The following SRGAP2C variants were observed in gnomAD, a reference collection of about 807,000 sequenced individuals.
SRGAP2C encodes SLIT-ROBO Rho GTPase-activating protein 2C.
A neutral mutation model predicts 25.1 loss-of-function variants in SRGAP2C; 15 were observed. That is an observed-to-expected ratio of 0.60 (90% confidence interval 0.40 to 0.92). SRGAP2C has a LOEUF of 0.92. Among genes scored for constraint, SRGAP2C ranks in the 40% least tolerant of loss-of-function variants. SRGAP2C has a pLI of 0.00. For synonymous variants in SRGAP2C, 44 were observed against 96.6 expected (o/e 0.46, Z 3.19); for missense variants, 144 against 264.4 (o/e 0.54, Z 3.16).
At chr1:121,204,287 G>A (rs1553322208) in intron 2 of SRGAP2C, among the ~76,000 whole-genome samples, 3 of 151,754 alleles carry the variant, frequency 2.0e-5, no homozygotes, top group Admixed American at 6.6e-5. Context: ...CATTTAAGTT[G>A]TCTCAATTTC....
intron 2 of SRGAP2C, among the ~76,000 whole-genome samples, chr1:121,191,895 CTT>C (rs1215148646): frequency 4.3e-4 from 44 of 102,840 alleles, no homozygotes; most frequent in African/African-American, 5.7e-4. Flanking sequence ...GGGGTCTTGT[CTT>C]TTTTTTTTTT....
At chr1:121,218,400 G>T (rs1460212080) in intron 2 of SRGAP2C, among the ~76,000 whole-genome samples, 1 of 79,412 alleles carries the variant, frequency 1.3e-5, no homozygotes, top group Non-Finnish European at 2.4e-5. Context: ...TTTTGAGACA[G>T]GGTCTCTCTA....
chr1:121,295,524 C>A (rs1463031435), intron 3 of SRGAP2C, among the ~76,000 whole-genome samples: 2 of 151,708 alleles, frequency 1.3e-5, no homozygotes, highest in African/African-American at 4.8e-5. Context: ...TGCCAGATAC[C>A]CACCCCTGTA....
At chr1:121,263,338 C>A (rs868944442) in intron 2 of SRGAP2C, among the ~76,000 whole-genome samples, 48 of 140,868 alleles carry the variant, frequency 3.4e-4, no homozygotes, top group Middle Eastern at 4.1e-3. Context: ...AACAAACAAA[C>A]AAAAAAAACT....
rs1553341028 is a variant in SRGAP2C at position 121,320,653 on chromosome 1, G to C, written c.261-3825G>C. On this transcript the variant is annotated intron_variant, in intron 3 of 9. Transcript: ENST00000367123. ...ATTTCAGCATCTGGTTTTGGTTTAG[G>C]TAGTCCAATATCAAGAAAATTCTGA... 4.1e-3 allele frequency among the ~76,000 whole-genome samples: 609 copies of C among 149,582 alleles called. 5 individuals are homozygous for C. Among genetic ancestry groups the C allele is most frequent in the Non-Finnish European group, 6.0e-3 (408 of 67,528 alleles).
chr1:121,191,934 G>A (rs1476477427), intron 2 of SRGAP2C, among the ~76,000 whole-genome samples: 2 of 144,712 alleles, frequency 1.4e-5, no homozygotes, highest in African/African-American at 5.2e-5. Flanking sequence ...AGAGAACAGT[G>A]TGTGTGCACC....
intron 3 of SRGAP2C, among the ~76,000 whole-genome samples, chr1:121,312,281 C>A (rs1657981837): frequency 2.1e-5 from 1 of 48,778 alleles, no homozygotes. Flanking sequence ...TCCCCTTTAT[C>A]ATTTTTTATT....
chr1:121,287,869 G>A (rs1187147626), intron 3 of SRGAP2C, among the ~76,000 whole-genome samples: 1 of 151,958 alleles, frequency 6.6e-6, no homozygotes, highest in East Asian at 1.9e-4. Flanking sequence ...AGCGCGTCTG[G>A]AGTTGTTCAT....
chr1:121,222,018 T>C (rs2101447822), intron 2 of SRGAP2C, among the ~76,000 whole-genome samples: 1 of 152,190 alleles, frequency 6.6e-6, no homozygotes, highest in East Asian at 2.0e-4. Context: ...ATCCAGTTTC[T>C]GCTTGCCTGA....
At chr1:121,298,222 G>A (rs1657637711) in intron 3 of SRGAP2C, among the ~76,000 whole-genome samples, 5 of 150,564 alleles carry the variant, frequency 3.3e-5, no homozygotes, top group Admixed American at 3.3e-4. Flanking sequence ...GTTCAACCTT[G>A]GTGGGTTACT....
At chr1:121,260,513 C>A (rs1553333361) in intron 2 of SRGAP2C, among the ~76,000 whole-genome samples, 1 of 151,688 alleles carries the variant, frequency 6.6e-6, no homozygotes, top group Non-Finnish European at 1.5e-5. Context: ...CCATGATAGG[C>A]TGTTGGCTTT....
intron 5 of SRGAP2C, among the ~76,000 whole-genome samples, chr1:121,372,009 C>A (rs1199966036): frequency 6.6e-6 from 1 of 152,084 alleles, no homozygotes; most frequent in East Asian, 1.9e-4. Flanking sequence ...GTTTGAATTA[C>A]TTAGAAAGGC....
chr1:121,305,228 G>T (rs1657803176), intron 3 of SRGAP2C, among the ~76,000 whole-genome samples: 1 of 151,948 alleles, frequency 6.6e-6, no homozygotes, highest in African/African-American at 2.4e-5. Context: ...ATCAGCATCT[G>T]CTCAGCTGTA....
intron 2 of SRGAP2C, among the ~76,000 whole-genome samples, chr1:121,270,855 C>T (rs1489712751): frequency 2.8e-4 from 41 of 148,280 alleles, no homozygotes; most frequent in Admixed American, 1.3e-3. Context: ...TGCAGTGGTG[C>T]CATCTCAGCT....
chr1:121,378,709 TC>T, intron 7 of SRGAP2C, among the ~76,000 whole-genome samples: 1 of 152,228 alleles, frequency 6.6e-6, no homozygotes, highest in South Asian at 2.1e-4. Context: ...TCCATTGCCA[TC>T]TGTGTCATGT....
chr1:121,239,842 G>A (rs1656081399), intron 2 of SRGAP2C, among the ~76,000 whole-genome samples: 2 of 152,382 alleles, frequency 1.3e-5, no homozygotes, highest in African/African-American at 2.4e-5. Flanking sequence ...TTACTATCTG[G>A]CCTTTATAGA....
In SRGAP2C at chr1:121,268,512, A is replaced by C. The variant is rs587649934; in HGVS notation, c.68-16291A>C. On this transcript the variant is annotated intron_variant, in intron 2 of 9. Coordinates refer to ENST00000367123, the MANE Select transcript of SRGAP2C (RefSeq NM_001329984.2). ...CAGGGAAGCAAGGGAGGAGGCAGCA[A>C]GACCAGTTAGGAGCTACCACAGCAA... Among the ~76,000 whole-genome samples, 196 of 149,744 alleles carry C rather than the reference A, an allele frequency of 1.3e-3. 1 individual carries two copies. The highest frequency in any genetic ancestry group is 4.4e-3 in the African/African-American group (180 of 41,182).
intron 2 of SRGAP2C, among the ~76,000 whole-genome samples, chr1:121,207,866 C>A (rs1420995395): frequency 1.3e-5 from 2 of 152,036 alleles, no homozygotes; most frequent in African/African-American, 4.8e-5. Flanking sequence ...TTTATAAATT[C>A]TTTCTGTGTA....
chr1:121,223,516 CT>C (rs1211423211), intron 2 of SRGAP2C, among the ~76,000 whole-genome samples: 2 of 54,026 alleles, frequency 3.7e-5, no homozygotes, highest in African/African-American at 7.9e-5. Flanking sequence ...GTTTTTTTGG[CT>C]TTTTTTGAAC....
Sources: gnomAD v4.1 joint callset for allele counts (sites outside exome capture counted in the v4.1 genomes callset) on GRCh38, gnomAD v4.1.1 for gene constraint, MANE v1.5 for transcripts, NCBI Gene and HGNC (gene_info 2026-07-23, HGNC 2026-07-21) for gene names.